Variants in TEX35 observed in about 807,000 individuals in gnomAD.
TEX35 encodes testis expressed 35, also known as testis-expressed protein 35.
In TEX35, 26 loss-of-function variants were observed where a neutral mutation model predicts 31.9. That is an observed-to-expected ratio of 0.81 (90% CI 0.60 to 1.13). The LOEUF (loss-of-function observed/expected upper bound fraction) is 1.13, where lower values mean the gene tolerates loss of function less well. Among genes scored for constraint, TEX35 ranks in the 50% most tolerant of loss-of-function variants. The probability of loss-of-function intolerance (pLI) is 0.00; values close to 1 mark genes in which losing one functional copy is unlikely to be tolerated. For synonymous variants in TEX35, 87 were observed against 90.7 expected, an observed-to-expected ratio of 0.96 and a Z score of 0.23; for missense variants, 278 against 273.5, an observed-to-expected ratio of 1.02 and a Z score of -0.12.
chr1:178,514,885 G>A (rs1198270292), intron 3 of TEX35, 117 bp downstream of exon 3: 8 of 819,312 alleles, frequency 9.8e-6, no homozygotes, highest in Non-Finnish European at 1.4e-5. Context: ...TAGGCACAGT[G>A]CAATTATCAA....
chr1:178,522,611 C>T lies in TEX35; in HGVS notation c.*171C>T. The T allele has an allele frequency of 7.7e-7, 1 of 1,303,820 alleles. No homozygotes were observed. Among genetic ancestry groups the T allele is most frequent in the East Asian group, 2.8e-5 (1 of 35,526 alleles). 80.8% of individuals were successfully genotyped at this position (1,303,820 alleles called of 1,614,324 possible). The stretch of plus-strand genomic sequence containing the variant: ...CTCCTTGTTTCATCTCTTTGCTAAG[C>T]TGGCTGCTTCTACCATCTAATAAAT... On this transcript the variant is annotated 3_prime_UTR_variant, in exon 9 of 9. Coordinates refer to ENST00000319416, the MANE Select transcript of TEX35 (RefSeq NM_032126.5).
chr1:178,514,161 T>A, intron 2 of TEX35, 84 bp downstream of exon 2: 1 of 1,609,746 alleles, frequency 6.2e-7, no homozygotes, highest in Non-Finnish European at 8.5e-7. Flanking sequence ...CATTTGCTGA[T>A]CCTAGTGGCC....
intron 6 of TEX35, 72 bp downstream of exon 6, chr1:178,520,508 G>A (rs757993536): frequency 1.9e-6 from 3 of 1,612,820 alleles, no homozygotes; most frequent in Non-Finnish European, 2.5e-6. Context: ...GGATCCCTTT[G>A]GGGTTCAGAG....
intron 2 of TEX35, 114 bp downstream of exon 2, chr1:178,514,191 G>T: frequency 6.3e-7 from 1 of 1,592,148 alleles, no homozygotes. Context: ...CCCAGGTGCT[G>T]GGGGATGCAC....
At chr1:178,514,337 G>A (rs1465142471) in intron 2 of TEX35, among the ~76,000 whole-genome samples, 1 of 152,240 alleles carries the variant, frequency 6.6e-6, no homozygotes, top group Non-Finnish European at 1.5e-5. Flanking sequence ...GCCGTGGAGT[G>A]GGTGGTAGGG....
At chr1:178,521,822 A>G (rs1650296958) in intron 8 of TEX35, 2 of 1,536,568 alleles carry the variant, frequency 1.3e-6, no homozygotes, top group East Asian at 4.9e-5. Flanking sequence ...AGGGGATGTC[A>G]TGGTTTTGAG....
At chr1:178,520,649 C>G (rs377167543) in intron 6 of TEX35, 24 bp from the exon 7 acceptor site, 1 of 1,611,004 alleles carries the variant, frequency 6.2e-7, no homozygotes, top group Non-Finnish European at 8.5e-7. Context: ...AACTCTCTGC[C>G]CCTCCCTGGC....
intron 8 of TEX35, 69 bp downstream of exon 8, chr1:178,521,333 C>G: frequency 6.4e-7 from 1 of 1,562,124 alleles, no homozygotes; most frequent in Non-Finnish European, 8.8e-7. Flanking sequence ...GCCATGTGCT[C>G]CCAGCCGCAT....
chr1:178,518,393 G>T (rs1650155110), intron 5 of TEX35, among the ~76,000 whole-genome samples: 1 of 151,998 alleles, frequency 6.6e-6, no homozygotes, highest in South Asian at 2.1e-4. Context: ...ACGCCATCAT[G>T]GGTATACATA....
chr1:178,513,977 C>T (rs1649972439), intron 1 of TEX35, 50 bp from the exon 2 acceptor site: 5 of 1,602,420 alleles, frequency 3.1e-6, no homozygotes, highest in Non-Finnish European at 4.3e-6. Context: ...ATGTTCTCCT[C>T]CCCAATCCTG....
rs766448863 is a variant in TEX35, at chr1:178,521,650, C to T, written c.586+386C>T. On this transcript the variant is annotated intron_variant, in intron 8 of 8. Coordinates refer to ENST00000319416, the MANE Select transcript of TEX35 (RefSeq NM_032126.5). ...ATCTGTACCTCAACCCCGGTGACAT[C>T]GAATATGTGTTTCCAACCTAGCGCA... 34 of 1,552,108 alleles carry T rather than the reference C, an allele frequency of 2.2e-5. No individual in the cohort carries two copies. The South Asian group carries it at 3.1e-4, about 14-fold the overall frequency.
intron 4 of TEX35, 55 bp downstream of exon 4, chr1:178,515,970 T>G: frequency 7.1e-7 from 1 of 1,402,030 alleles, no homozygotes; most frequent in Non-Finnish European, 1.0e-6. Flanking sequence ...TCAGGAAAAA[T>G]GCAATCCTTA....
chr1:178,520,751 C>T lies in TEX35; in HGVS notation c.420C>T (p.Pro140=), dbSNP rs1227952798. 1.2e-6 allele frequency: 2 copies of T among 1,614,134 alleles called. No homozygotes were observed. Among genetic ancestry groups the T allele is most frequent in the South Asian group, 2.2e-5 (2 of 91,072 alleles). Residue 140 remains proline, a synonymous_variant, in exon 7 of 9, where the codon CCC becomes CCT. Transcript: ENST00000319416. The part of the protein sequence containing the change: ...GKTHREPQLR[P]KKMDGASGVN... ...CTCACAGAGAACCACAGCTCAGGCC[C>T]AAGAAAATGGATGGAGCCAGTGGAG...
Position 178,520,450 on chromosome 1 carries a change from G to T in TEX35, c.341+14G>T, listed in dbSNP as rs770746739. 4 of 1,614,112 alleles carry T rather than the reference G, an allele frequency of 2.5e-6. No homozygotes were observed. Among genetic ancestry groups the T allele is most frequent in the Non-Finnish European group, 3.4e-6 (4 of 1,180,004 alleles). On this transcript the variant is annotated intron_variant, in intron 6 of 8. Transcript: ENST00000319416. ...GAACTATAAGCTGTAAGTGTAACCT[G>T]CACTCGTCTCTCCTCATCCCTAAAG...
chr1:178,513,993 T>TA lies in TEX35; in HGVS notation c.40-34_40-33insA, dbSNP rs775249167. 3.2e-5 allele frequency: 51 copies of TA among 1,611,086 alleles called. No individual in the cohort carries two copies. In the East Asian group the frequency reaches 1.1e-3, roughly 34 times the overall value. On this transcript the variant is annotated intron_variant, in intron 1 of 8. Transcript: ENST00000319416. ...TGTTCTCCTCCCCAATCCTGATGTC[T>TA]GCCAGCCTGAATCTCAGTCTCCTCT...
rs200548576 is a variant in TEX35, at chr1:178,521,297, C to T, written c.586+33C>T. 269 of 1,612,996 alleles carry T rather than the reference C, an allele frequency of 1.7e-4. 1 individual carries two copies. Among genetic ancestry groups the T allele is most frequent in the Middle Eastern group, 9.9e-4 (6 of 6,080 alleles). ...GATTCATACAAGATGTGCCTTTTCT[C>T]GATCAGGTGCCTTGTTGTCCCCAAG... On this transcript the variant is annotated intron_variant, in intron 8 of 8. Transcript: ENST00000319416.
At chr1:178,516,562 A>T in intron 4 of TEX35, 53 bp from the exon 5 acceptor site, 1 of 1,511,132 alleles carries the variant, frequency 6.6e-7, no homozygotes, top group Non-Finnish European at 9.2e-7. Flanking sequence ...GCCACAACTA[A>T]CCTCAATAAC....
At chr1:178,523,252 A>G (rs1200318560), downstream of TEX35, 1 of 698,768 alleles carries the variant, frequency 1.4e-6, no homozygotes, top group Middle Eastern at 3.6e-4. Context: ...TGATGCAACA[A>G]ATGTGAGAGT....
rs140253514 is a variant in TEX35, at chr1:178,513,321, A to G, written c.39+94A>G. On this transcript the variant is annotated intron_variant, in intron 1 of 8. Transcript: ENST00000319416. ...GGCAAGGGATACAGAGAATGCTCGCATGAATCTCTGGTTTTTCTTTCTCTG... is the reference window on the plus strand; with the variant it reads ...GGCAAGGGATACAGAGAATGCTCGCGTGAATCTCTGGTTTTTCTTTCTCTG... The G allele has an allele frequency of 2.0e-5, 30 of 1,489,452 alleles. No homozygotes were observed. In the African/African-American group the frequency reaches 3.6e-4, roughly 18 times the overall value. The allele number at this position is 1,489,452 out of a possible 1,614,324, so 92.3% of individuals were successfully genotyped here. A position where few individuals can be genotyped will look rare whatever the true frequency, so the allele number is the denominator to read the frequency against.
Sources: allele counts gnomAD v4.1 joint callset (sites outside exome capture counted in the v4.1 genomes callset), GRCh38; gene constraint gnomAD v4.1.1; transcripts MANE v1.5; gene names NCBI Gene and HGNC (gene_info 2026-07-23, HGNC 2026-07-21).